TET3: variants seen among roughly 807,000 people sequenced by gnomAD.
TET3 encodes tet methylcytosine dioxygenase 3, also known as methylcytosine dioxygenase TET3.
A neutral mutation model predicts 141.4 loss-of-function variants in TET3; 19 were observed. The ratio of observed to expected loss-of-function variants is 0.13; its 90% CI spans 0.09 to 0.20. TET3 has a LOEUF of 0.20. Among genes scored for constraint, TET3 ranks in the 10% least tolerant of loss-of-function variants. The pLI is 1.00. For synonymous variants in TET3, 1,043 were observed against 980.9 expected (o/e 1.06, Z -1.18); for missense variants, 1,874 against 2,356.9 (o/e 0.80, Z 4.24).
intron 3 of TET3, among the ~76,000 whole-genome samples, chr2:74,036,100 T>A (rs1199251326): frequency 6.6e-6 from 1 of 152,226 alleles, no homozygotes; most frequent in East Asian, 1.9e-4. Context: ...TACCTGGTAC[T>A]GTTATAAATG....
intron 3 of TET3, among the ~76,000 whole-genome samples, chr2:74,044,299 G>T (rs578186722): frequency 2.0e-5 from 3 of 152,282 alleles, no homozygotes; most frequent in Middle Eastern, 3.4e-3. Flanking sequence ...TAGAAAAATA[G>T]CAGGGATCAT....
At chr2:74,059,217 G>A (rs1688369132) in intron 4 of TET3, among the ~76,000 whole-genome samples, 2 of 152,312 alleles carry the variant, frequency 1.3e-5, no homozygotes, top group South Asian at 4.1e-4. Context: ...GTGTTTGTGA[G>A]ATTCATCTAT....
At chr2:74,091,133 C>CGA (rs1690468190) in intron 8 of TET3, among the ~76,000 whole-genome samples, 1 of 152,100 alleles carries the variant, frequency 6.6e-6, no homozygotes, top group Admixed American at 6.6e-5. Flanking sequence ...CTTAAATAGT[C>CGA]TAATAGACCT....
intron 3 of TET3, among the ~76,000 whole-genome samples, chr2:74,032,185 T>G (rs983498250): frequency 6.6e-6 from 1 of 152,190 alleles, no homozygotes; most frequent in Non-Finnish European, 1.5e-5. Context: ...ATTGGGGGCT[T>G]CTTTAGGGAA....
the TET3 span, among the ~76,000 whole-genome samples, chr2:74,129,655 C>T: frequency 6.6e-6 from 1 of 151,848 alleles, no homozygotes; most frequent in Non-Finnish European, 1.5e-5. Flanking sequence ...ATTGAAAAAA[C>T]CTTAAGGGCA....
At chr2:74,110,958 A>G (rs1288728752), downstream of TET3, among the ~76,000 whole-genome samples, 5 of 152,014 alleles carry the variant, frequency 3.3e-5, no homozygotes, top group South Asian at 1.0e-3. Context: ...TCACCACCAC[A>G]TATCTGCAGG....
At chr2:74,108,982 A>C (rs1691639452), downstream of TET3, among the ~76,000 whole-genome samples, 1 of 152,124 alleles carries the variant, frequency 6.6e-6, no homozygotes, top group African/African-American at 2.4e-5. Context: ...TTTGCTTGCA[A>C]AGGAACCCAC....
intron 2 of TET3, chr2:74,002,664 A>T (rs1176568753): frequency 5.1e-6 from 2 of 392,778 alleles, no homozygotes; most frequent in African/African-American, 2.1e-5. Flanking sequence ...GCCCCCTCGC[A>T]CACCAGCCCC....
intron 2 of TET3, among the ~76,000 whole-genome samples, chr2:73,996,664 C>A (rs997183783): frequency 1.3e-5 from 2 of 152,104 alleles, no homozygotes; most frequent in African/African-American, 4.8e-5. Flanking sequence ...TGCACCACCA[C>A]ACCTGAATAA....
chr2:74,068,156 G>GC (rs1341831937), intron 4 of TET3, among the ~76,000 whole-genome samples: 3 of 152,026 alleles, frequency 2.0e-5, no homozygotes, highest in African/African-American at 7.3e-5. Flanking sequence ...CTGCCTGGCT[G>GC]CACACTCCAT....
In TET3 at chr2:74,094,663, G is replaced by A. The variant is rs72818006; in HGVS notation, c.3267+997G>A. ...GAGGGGACACGGCTTGGGCAGGAGT[G>A]GGGGGAGGTGCTGATGGGACAGATT... On this transcript the variant is annotated intron_variant, in intron 10 of 11. Coordinates refer to ENST00000409262, the MANE Select transcript of TET3 (RefSeq NM_001287491.2). 2.6e-5 allele frequency among the ~76,000 whole-genome samples: 4 copies of A among 152,104 alleles called. No homozygotes were observed. The East Asian group carries it at 5.8e-4, about 22-fold the overall frequency.
chr2:73,988,532 C>T (rs779998614), intron 2 of TET3, among the ~76,000 whole-genome samples: 3 of 152,258 alleles, frequency 2.0e-5, no homozygotes, highest in East Asian at 1.9e-4. Context: ...TGTAAGCTGT[C>T]GGCCCAGGCT....
chr2:74,115,388 G>A, the TET3 span, among the ~76,000 whole-genome samples: 1 of 152,168 alleles, frequency 6.6e-6, no homozygotes, highest in African/African-American at 2.4e-5. Context: ...AAGGAATATA[G>A]AGAGGTATAA....
At chr2:73,999,087 G>A (rs531319258) in intron 2 of TET3, among the ~76,000 whole-genome samples, 1 of 152,318 alleles carries the variant, frequency 6.6e-6, no homozygotes, top group Non-Finnish European at 1.5e-5. Context: ...GAGCTTTGAA[G>A]TAAAGCCCTG....
At chr2:74,044,078 G>A (rs960556866) in intron 3 of TET3, among the ~76,000 whole-genome samples, 4 of 152,162 alleles carry the variant, frequency 2.6e-5, no homozygotes, top group Non-Finnish European at 4.4e-5. Flanking sequence ...GCTGAGGTGG[G>A]AGGATCGCTT....
At chr2:74,020,661 T>C (rs2105239717) in intron 3 of TET3, among the ~76,000 whole-genome samples, 1 of 152,286 alleles carries the variant, frequency 6.6e-6, no homozygotes, top group African/African-American at 2.4e-5. Context: ...CTACCTGCCT[T>C]GGAGGGACCC....
intron 3 of TET3, among the ~76,000 whole-genome samples, chr2:74,006,528 G>A (rs1018694426): frequency 2.0e-5 from 3 of 152,242 alleles, no homozygotes; most frequent in African/African-American, 7.2e-5. Flanking sequence ...CCGTGGGGAC[G>A]ACTACAGCCC....
rs1434798261 is a variant in TET3, at chr2:74,048,013, C to A, written c.2096C>A (p.Pro699His). 6 of 1,608,914 alleles carry A rather than the reference C, an allele frequency of 3.7e-6. No homozygotes were observed. The South Asian group carries it at 6.6e-5, about 18-fold the overall frequency. ...GCCTTGCAGCCAGGCTCCACTGGCC[C>A]TCTTCCCCCTGCCGATGACAAGCTG... Reference protein sequence around the residue: ...MTALQPGSTGPLPPADDKLEE... With the variant: ...MTALQPGSTGHLPPADDKLEE... The change falls in exon 4 of 12, where the codon CCT (proline) becomes CAT (histidine). Residue 699 changes from proline (P) to histidine (H), a missense_variant. By Grantham distance (77) the Pro-to-His change is moderately conservative. This residue lies in a region of TET3 where 484 missense variants were observed against 462.2 expected (regional missense o/e 1.05). Coordinates refer to ENST00000409262, the MANE Select transcript of TET3 (RefSeq NM_001287491.2).
the TET3 span, among the ~76,000 whole-genome samples, chr2:74,131,391 C>G: frequency 6.6e-6 from 1 of 152,138 alleles, no homozygotes; most frequent in African/African-American, 2.4e-5. Context: ...ACTGGCTCTC[C>G]GCGGGTCATT....
Sources: gnomAD v4.1 joint callset for allele counts (sites outside exome capture counted in the v4.1 genomes callset) on GRCh38, gnomAD v4.1.1 for gene constraint, gnomAD v4.1.1 regional missense constraint, MANE v1.5 for transcripts, NCBI Gene and HGNC (gene_info 2026-07-23, HGNC 2026-07-21) for gene names.